Variants in SLC15A5 observed in about 807,000 individuals in gnomAD.
SLC15A5 encodes the protein solute carrier family 15 member 5, also known as Peptide/histidine transporter ENSP00000340402.
Under a neutral mutation model 56.1 loss-of-function variants are expected in SLC15A5, and 58 were observed. The ratio of observed to expected loss-of-function variants is 1.03; its 90% CI spans 0.84 to 1.29. SLC15A5 has a LOEUF of 1.29. Ranked by LOEUF, SLC15A5 falls within the 50% of genes most tolerant of loss-of-function variation. The pLI is 0.00. For missense variants in SLC15A5, 681 were observed against 672.1 expected, an observed-to-expected ratio of 1.01 and a Z score of -0.15; for synonymous variants, 264 against 250.5, an observed-to-expected ratio of 1.05 and a Z score of -0.51.
chr12:16,190,420 A>G (rs1367071120), intron 8 of SLC15A5, among the ~76,000 whole-genome samples: 1 of 152,104 alleles, frequency 6.6e-6, no homozygotes, highest in African/African-American at 2.4e-5. Context: ...TGGAACCAGA[A>G]CTTGATTATT....
intron 2 of SLC15A5, among the ~76,000 whole-genome samples, chr12:16,268,826 G>A (rs1459046631): frequency 6.6e-6 from 1 of 151,930 alleles, no homozygotes; most frequent in Non-Finnish European, 1.5e-5. Flanking sequence ...ACTTGATATG[G>A]TAGGAATATT....
chr12:16,214,409 A>T (rs1177871842), intron 7 of SLC15A5, among the ~76,000 whole-genome samples: 2 of 152,214 alleles, frequency 1.3e-5, no homozygotes, highest in East Asian at 3.9e-4. Flanking sequence ...GAGGGCCCAT[A>T]GATAATTTAT....
intron 4 of SLC15A5, among the ~76,000 whole-genome samples, chr12:16,244,146 T>TAA (rs1311294938): frequency 6.6e-6 from 1 of 152,182 alleles, no homozygotes; most frequent in East Asian, 1.9e-4. Flanking sequence ...TACTTATATT[T>TAA]AAGAGTACAG....
At chr12:16,218,836 A>G (rs531838646) in intron 6 of SLC15A5, among the ~76,000 whole-genome samples, 1 of 151,818 alleles carries the variant, frequency 6.6e-6, no homozygotes, top group East Asian at 1.9e-4. Flanking sequence ...GGGAATATTT[A>G]CCCCTGGTTT....
chr12:16,220,222 C>G (rs940267477), intron 6 of SLC15A5, among the ~76,000 whole-genome samples: 4 of 152,208 alleles, frequency 2.6e-5, no homozygotes, highest in African/African-American at 9.6e-5. Flanking sequence ...CTTTGAAGCT[C>G]ATGTTATCAG....
At chr12:16,274,311 A>G (rs1206799406) in intron 1 of SLC15A5, among the ~76,000 whole-genome samples, 1 of 152,108 alleles carries the variant, frequency 6.6e-6, no homozygotes, top group Admixed American at 6.6e-5. Context: ...ATCTTCATTC[A>G]TACTAGTTAG....
chr12:16,220,666 G>A (rs1453121720), intron 6 of SLC15A5, among the ~76,000 whole-genome samples: 1 of 152,140 alleles, frequency 6.6e-6, no homozygotes, highest in East Asian at 1.9e-4. Context: ...ACAGAGACTG[G>A]CCTGCAAAAC....
chr12:16,233,794 C>T (rs1864322135), intron 5 of SLC15A5, among the ~76,000 whole-genome samples: 1 of 152,154 alleles, frequency 6.6e-6, no homozygotes, highest in African/African-American at 2.4e-5. Context: ...GAATCTCAGG[C>T]TCTGCTCCGG....
intron 6 of SLC15A5, among the ~76,000 whole-genome samples, chr12:16,218,707 G>A (rs747298619): frequency 2.6e-5 from 4 of 152,100 alleles, no homozygotes; most frequent in African/African-American, 7.2e-5. Context: ...CGTCATATAC[G>A]TGATCCATCA....
chr12:16,265,919 C>G (rs1434921399), intron 2 of SLC15A5, among the ~76,000 whole-genome samples: 5 of 152,060 alleles, frequency 3.3e-5, no homozygotes, highest in Non-Finnish European at 5.9e-5. Context: ...TGAGACCTAG[C>G]ACAGTACTAG....
At chr12:16,205,183 C>G (rs1177497893) in intron 7 of SLC15A5, among the ~76,000 whole-genome samples, 1 of 151,904 alleles carries the variant, frequency 6.6e-6, no homozygotes, top group Non-Finnish European at 1.5e-5. Context: ...TTCAATTTTA[C>G]ACTCTAAAAA....
intron 2 of SLC15A5, among the ~76,000 whole-genome samples, chr12:16,265,911 A>T (rs1442652543): frequency 6.6e-6 from 1 of 152,214 alleles, no homozygotes; most frequent in Admixed American, 6.5e-5. Flanking sequence ...TATCTCCATG[A>T]GACCTAGCAC....
intron 2 of SLC15A5, among the ~76,000 whole-genome samples, chr12:16,264,217 C>A (rs1239015041): frequency 2.0e-5 from 3 of 152,200 alleles, no homozygotes; most frequent in African/African-American, 7.2e-5. Flanking sequence ...CCACCTCTTG[C>A]ATTAGCATGA....
At chr12:16,265,311 G>A (rs1458663660) in intron 2 of SLC15A5, among the ~76,000 whole-genome samples, 1 of 152,188 alleles carries the variant, frequency 6.6e-6, no homozygotes, top group Non-Finnish European at 1.5e-5. Context: ...TTGGAAAGAT[G>A]TGTGAAGTTG....
At chr12:16,210,003 G>A (rs551957847) in intron 7 of SLC15A5, among the ~76,000 whole-genome samples, 6 of 152,194 alleles carry the variant, frequency 3.9e-5, no homozygotes, top group African/African-American at 1.4e-4. Context: ...AAGATCTCAC[G>A]TGATTTTGCC....
intron 1 of SLC15A5, 40 bp from the exon 2 acceptor site, chr12:16,272,823 A>G: frequency 1.3e-6 from 2 of 1,484,160 alleles, no homozygotes; most frequent in Non-Finnish European, 1.8e-6. Flanking sequence ...GTAGCATAGA[A>G]CAAGTGGATC....
intron 2 of SLC15A5, among the ~76,000 whole-genome samples, chr12:16,258,218 A>G (rs564329450): frequency 6.6e-6 from 1 of 152,294 alleles, no homozygotes; most frequent in East Asian, 1.9e-4. Flanking sequence ...GTGCTAAAGA[A>G]GCTATAGACA....
intron 7 of SLC15A5, among the ~76,000 whole-genome samples, chr12:16,201,608 GATA>G (rs1466193867): frequency 1.3e-5 from 2 of 152,124 alleles, no homozygotes; most frequent in Non-Finnish European, 2.9e-5. Context: ...CTGTTCTCAT[GATA>G]GTGAGTGAGT....
At chr12:16,272,521 G>T in intron 2 of SLC15A5, 40 bp downstream of exon 2, 2 of 1,508,520 alleles carry the variant, frequency 1.3e-6, no homozygotes, top group Non-Finnish European at 1.8e-6. Context: ...CAGTGAGAAT[G>T]GTCATAAGCC....
Sources: allele counts gnomAD v4.1 joint callset (sites outside exome capture counted in the v4.1 genomes callset), GRCh38; gene constraint gnomAD v4.1.1; transcripts MANE v1.5; gene names NCBI Gene and HGNC (gene_info 2026-07-23, HGNC 2026-07-21).